The following CCDC181 variants were observed in gnomAD, a reference collection of about 807,000 sequenced individuals.
CCDC181 encodes the protein coiled-coil domain containing 181.
Under a neutral mutation model 58.7 loss-of-function variants are expected in CCDC181, and 35 were observed. The observed-to-expected ratio is 0.60, with a 90% CI of 0.46 to 0.79. The LOEUF (loss-of-function observed/expected upper bound fraction) is 0.79, where lower values mean the gene tolerates loss of function less well. CCDC181 is among the 30% of genes least tolerant of loss of function. CCDC181 has a pLI of 0.00. For synonymous variants in CCDC181, 183 were observed against 197.5 expected, an observed-to-expected ratio of 0.93 and a Z score of 0.62; for missense variants, 517 against 583.9, an observed-to-expected ratio of 0.89 and a Z score of 1.18.
intron 2 of CCDC181, among the ~76,000 whole-genome samples, chr1:169,451,724 C>T (rs755184096): frequency 1.4e-5 from 2 of 146,804 alleles, no homozygotes; most frequent in Non-Finnish European, 3.0e-5. Flanking sequence ...CCCAAGCTGG[C>T]GCAATTTAAA....
chr1:169,400,527 T>TAAGA (rs1450177209), intron 4 of CCDC181, among the ~76,000 whole-genome samples: 1 of 152,116 alleles, frequency 6.6e-6, no homozygotes, highest in African/African-American at 2.4e-5. Context: ...AGATCGATCC[T>TAAGA]AAGATGACAT....
At position 169,422,309 on chromosome 1, in the gene CCDC181, G is replaced by A. The variant is rs192068825; in HGVS notation, c.122C>T (p.Ala41Val). 1.8e-4 allele frequency: 275 copies of A among 1,524,648 alleles called. No homozygotes were observed. Among genetic ancestry groups the A allele is most frequent in the Admixed American group, 7.1e-4 (37 of 52,232 alleles). 94.4% of individuals were successfully genotyped at this position (1,524,648 alleles called of 1,614,324 possible). ...GTTAATATTCTCTTCCTTCTCACAAGCCATCTAAAAACAAGATATTTTTCA... is the reference window on the plus strand; with the variant it reads ...GTTAATATTCTCTTCCTTCTCACAAACCATCTAAAAACAAGATATTTTTCA... ...EKSDASIIEMACEKEENINQD... is the reference protein window; with the variant it reads ...EKSDASIIEMVCEKEENINQD... Residue 41 changes from alanine to valine, a missense_variant, in exon 3 of 6, where the codon GCT becomes GTT. By Grantham distance (64) the Ala-to-Val change is moderately conservative. Coordinates refer to ENST00000367806, the MANE Select transcript of CCDC181 (RefSeq NM_001300969.2).
chr1:169,399,141 G>A (rs1315797747), intron 4 of CCDC181, among the ~76,000 whole-genome samples: 1 of 152,164 alleles, frequency 6.6e-6, no homozygotes, highest in Non-Finnish European at 1.5e-5. Flanking sequence ...GCCATTGGGG[G>A]TTTCTGAGCA....
In CCDC181 at chr1:169,408,293, T is replaced by C. The variant is rs533195904; in HGVS notation, c.1215+10720A>G. ...CAGTTTTCCCCTCACAGCCAGGAAG[T>C]TGGAACTGGGCAGAGCCCACCACAT... On this transcript the variant is annotated intron_variant, in intron 4 of 5. Transcript: ENST00000367806. Among the ~76,000 whole-genome samples, 8 of 152,276 alleles carry C rather than the reference T, an allele frequency of 5.3e-5. No homozygotes were observed. In the East Asian group the frequency reaches 1.5e-3, roughly 29 times the overall value.
intron 4 of CCDC181, among the ~76,000 whole-genome samples, chr1:169,400,675 A>T (rs1655289757): frequency 2.0e-5 from 3 of 152,240 alleles, no homozygotes; most frequent in Admixed American, 1.3e-4. Flanking sequence ...ATGGAAATTT[A>T]AAAAAATAAA....
At chr1:169,407,207 C>A (rs1158537886) in intron 4 of CCDC181, among the ~76,000 whole-genome samples, 2 of 151,970 alleles carry the variant, frequency 1.3e-5, no homozygotes, top group South Asian at 4.2e-4. Flanking sequence ...CTTCTAAAAA[C>A]CAAAGCCAGG....
intron 4 of CCDC181, among the ~76,000 whole-genome samples, chr1:169,411,163 G>A (rs915257527): frequency 6.6e-6 from 1 of 151,968 alleles, no homozygotes; most frequent in Non-Finnish European, 1.5e-5. Context: ...GAATAAAAGA[G>A]AGAAGAATCA....
In CCDC181 at chr1:169,408,588, C is replaced by T. The variant is rs553820777; in HGVS notation, c.1215+10425G>A. Reference sequence around the variant, plus strand: ...TCCTCCAGTGGGTCCCTAACCCCCGCGCCTCCTGACTGGGAGACACCTCCC... The same window carrying T: ...TCCTCCAGTGGGTCCCTAACCCCCGTGCCTCCTGACTGGGAGACACCTCCC... On this transcript the variant is annotated intron_variant, in intron 4 of 5. Coordinates refer to ENST00000367806, the MANE Select transcript of CCDC181 (RefSeq NM_001300969.2). Among the ~76,000 whole-genome samples the T allele has an allele frequency of 4.6e-5, 7 of 152,338 alleles. No homozygotes were observed. The East Asian group carries it at 5.8e-4, about 13-fold the overall frequency.
At chr1:169,439,121 GCTGAA>G (rs1657136869) in intron 2 of CCDC181, among the ~76,000 whole-genome samples, 1 of 152,082 alleles carries the variant, frequency 6.6e-6, no homozygotes, top group Non-Finnish European at 1.5e-5. Flanking sequence ...CCCCAAAGGA[GCTGAA>G]CTGAGACAGA....
chr1:169,430,546 C>A (rs573663596), upstream of CCDC181, among the ~76,000 whole-genome samples: 1 of 151,794 alleles, frequency 6.6e-6, no homozygotes, highest in South Asian at 2.1e-4. Flanking sequence ...TTATTTTTTG[C>A]AGCTATTGTA....
chr1:169,397,575 T>C (rs759621743), intron 4 of CCDC181, among the ~76,000 whole-genome samples, 184 bp from the exon 5 acceptor site: 38 of 152,200 alleles, frequency 2.5e-4, no homozygotes, highest in Admixed American at 1.0e-3. Flanking sequence ...AGAATATCTT[T>C]CAGCAGTTAC....
intron 4 of CCDC181, among the ~76,000 whole-genome samples, chr1:169,408,105 G>T (rs900693740): frequency 6.6e-6 from 1 of 152,190 alleles, no homozygotes; most frequent in African/African-American, 2.4e-5. Context: ...TAAAGCCAGG[G>T]AGCCAAGTGA....
intron 2 of CCDC181, among the ~76,000 whole-genome samples, chr1:169,444,994 C>A (rs1258429090): frequency 6.6e-6 from 1 of 152,134 alleles, no homozygotes; most frequent in Non-Finnish European, 1.5e-5. Context: ...TTCCAAGGTC[C>A]TACATAATCA....
intron 2 of CCDC181, among the ~76,000 whole-genome samples, chr1:169,444,729 C>T (rs546986264): frequency 1.3e-5 from 2 of 152,096 alleles, no homozygotes. Flanking sequence ...ACATATTTTT[C>T]TTCTCTGGCC....
At chr1:169,407,089 A>C (rs1216166704) in intron 4 of CCDC181, among the ~76,000 whole-genome samples, 3 of 151,028 alleles carry the variant, frequency 2.0e-5, no homozygotes, top group African/African-American at 7.3e-5. Context: ...TTGAAGAAAC[A>C]GTGGCTGAGA....
chr1:169,437,268 C>T (rs373880115), intron 2 of CCDC181, among the ~76,000 whole-genome samples: 4 of 152,200 alleles, frequency 2.6e-5, no homozygotes, highest in African/African-American at 9.7e-5. Flanking sequence ...CAAAATGTCT[C>T]AGGTACTGAT....
Position 169,398,723 on chromosome 1 carries a change from C to T in CCDC181, c.1216-1332G>A, listed in dbSNP as rs1054139770. Among the ~76,000 whole-genome samples the T allele has an allele frequency of 2.0e-5, 3 of 152,164 alleles. No individual in the cohort carries two copies. In the East Asian group the frequency reaches 5.8e-4, roughly 29 times the overall value. ...CATGGCTAGCAGCTACTCTAATGGA[C>T]AGTGCAAATACAGAAAATTTCCATC... On this transcript the variant is annotated intron_variant, in intron 4 of 5. Transcript: ENST00000367806.
chr1:169,435,990 T>G (rs1657045999), intron 2 of CCDC181, among the ~76,000 whole-genome samples: 1 of 152,132 alleles, frequency 6.6e-6, no homozygotes, highest in African/African-American at 2.4e-5. Context: ...CTCAACCACC[T>G]AAAACCAAGC....
chr1:169,402,990 A>C (rs933045916), intron 4 of CCDC181, among the ~76,000 whole-genome samples: 128 of 148,396 alleles, frequency 8.6e-4, no homozygotes, highest in African/African-American at 1.5e-3. Context: ...AACAAAAAAA[A>C]AAAAAAGCAG....
Sources: gnomAD v4.1 joint callset for allele counts (sites outside exome capture counted in the v4.1 genomes callset) on GRCh38, gnomAD v4.1.1 for gene constraint, MANE v1.5 for transcripts, NCBI Gene and HGNC (gene_info 2026-07-23, HGNC 2026-07-21) for gene names.